Variants in SLCO1C1 observed in about 807,000 individuals in gnomAD.
SLCO1C1 encodes OAT-RP-5.
In SLCO1C1, 70 loss-of-function variants were observed where a neutral mutation model predicts 76.4. That is an observed-to-expected ratio of 0.92 (90% CI 0.76 to 1.12). The LOEUF (loss-of-function observed/expected upper bound fraction) is 1.12. Among genes scored for constraint, SLCO1C1 ranks in the 50% most tolerant of loss-of-function variants. The pLI, the probability that SLCO1C1 is intolerant of heterozygous loss-of-function variation, is 0.00. For missense variants in SLCO1C1, 912 were observed against 823.8 expected, an observed-to-expected ratio of 1.11 and a Z score of -1.31; for synonymous variants, 306 against 286.1, an observed-to-expected ratio of 1.07 and a Z score of -0.70.
At chr12:20,735,472 C>G (rs1948495611) in intron 10 of SLCO1C1, among the ~76,000 whole-genome samples, 1 of 152,174 alleles carries the variant, frequency 6.6e-6, no homozygotes, top group South Asian at 2.1e-4. Context: ...TCTATAATCT[C>G]AGCCCTACAG....
intron 4 of SLCO1C1, among the ~76,000 whole-genome samples, chr12:20,706,381 A>G (rs1179212460): frequency 6.6e-5 from 10 of 152,162 alleles, no homozygotes; most frequent in Admixed American, 5.9e-4. Context: ...AATTGAAAAT[A>G]AATTAACATG....
At chr12:20,733,169 G>C in intron 10 of SLCO1C1, 65 bp downstream of exon 10, 1 of 1,417,808 alleles carries the variant, frequency 7.1e-7, no homozygotes, top group Non-Finnish European at 9.4e-7. Flanking sequence ...TATTGGTGGA[G>C]TTGCAAAAAA....
rs745586344 is a variant in SLCO1C1, at chr12:20,750,901, G to C, written c.1916+109G>C. The stretch of plus-strand genomic sequence containing the variant: ...GTCATTTCACTGCTTGTAAGGTAAA[G>C]AATAGTCTAATCAAAAAGTGTGATC... On this transcript the variant is annotated intron_variant, in intron 14 of 14. Coordinates refer to ENST00000266509, the MANE Select transcript of SLCO1C1 (RefSeq NM_017435.5). 9 of 1,603,276 alleles carry C rather than the reference G, an allele frequency of 5.6e-6. No homozygotes were observed. The African/African-American group carries it at 1.2e-4, about 21-fold the overall frequency.
Position 20,740,787 on chromosome 12 carries a change from TTATATATATATATATATA to T in SLCO1C1, c.1733+433_1733+450del, listed in dbSNP as rs71039980. Among the ~76,000 whole-genome samples the T allele has an allele frequency of 2.4e-4, 18 of 75,076 alleles. 1 individual carries two copies. Among genetic ancestry groups the T allele is most frequent in the African/African-American group, 8.7e-4 (16 of 18,432 alleles). The allele number at this position is 75,076 out of a possible 152,430, so 49.3% of individuals were successfully genotyped here. A position where few individuals can be genotyped will look rare whatever the true frequency, so the allele number is the denominator to read the frequency against. ...ACAACAATGTTAGAATTTATTTTATTTATATATATATATATATATATATATATATATGGCTTTATCTGT... is the reference window on the plus strand; with the variant it reads ...ACAACAATGTTAGAATTTATTTTATTTATATATATATATGGCTTTATCTGT... On this transcript the variant is annotated intron_variant, in intron 12 of 14. Transcript: ENST00000266509.
chr12:20,710,360 TATGC>T (rs71869444), intron 4 of SLCO1C1, among the ~76,000 whole-genome samples: 7,100 of 152,030 alleles, frequency 0.047, 241 homozygotes, highest in African/African-American at 0.085. Context: ...TTACTATTAA[TATGC>T]ATGCCAATGC....
chr12:20,705,914 C>T (rs372692156), intron 3 of SLCO1C1, 35 bp from the exon 4 acceptor site: 46 of 1,604,462 alleles, frequency 2.9e-5, no homozygotes, highest in Non-Finnish European at 3.7e-5. Flanking sequence ...TTTCTAAGTT[C>T]TCTAATTTAT....
chr12:20,712,647 C>T (rs1335452598), intron 5 of SLCO1C1, among the ~76,000 whole-genome samples: 1 of 152,182 alleles, frequency 6.6e-6, no homozygotes, highest in Non-Finnish European at 1.5e-5. Flanking sequence ...TATATACCTG[C>T]CATCCATCCA....
chr12:20,722,738 T>C (rs1213853422), intron 8 of SLCO1C1, among the ~76,000 whole-genome samples: 2 of 152,238 alleles, frequency 1.3e-5, no homozygotes, highest in Non-Finnish European at 2.9e-5. Context: ...TGAAGGTCTT[T>C]ATGTCCTGCC....
At chr12:20,730,011 G>A (rs1347890012) in intron 9 of SLCO1C1, among the ~76,000 whole-genome samples, 2 of 152,068 alleles carry the variant, frequency 1.3e-5, no homozygotes, top group Non-Finnish European at 2.9e-5. Context: ...AGGCTGCTGG[G>A]GGTCTGGGAG....
At chr12:20,735,292 G>C (rs1948487036) in intron 10 of SLCO1C1, among the ~76,000 whole-genome samples, 1 of 152,112 alleles carries the variant, frequency 6.6e-6, no homozygotes, top group African/African-American at 2.4e-5. Flanking sequence ...CTCTGATGTG[G>C]ACATAAGAAT....
intron 3 of SLCO1C1, 113 bp from the exon 4 acceptor site, chr12:20,705,836 A>AT (rs1236361508): frequency 3.2e-5 from 33 of 1,028,920 alleles, no homozygotes; most frequent in Non-Finnish European, 4.5e-5. Flanking sequence ...TGATGCAGAG[A>AT]TGGCTTAGTT....
Position 20,715,210 on chromosome 12 carries a change from G to T in SLCO1C1, c.601G>T (p.Glu201Ter). The T allele has an allele frequency of 1.2e-6, 2 of 1,614,068 alleles. No homozygotes were observed. Among genetic ancestry groups the T allele is most frequent in the Non-Finnish European group, 1.7e-6 (2 of 1,179,966 alleles). The change falls in exon 6 of 15, where the codon GAA becomes TAA. Residue 201 changes from glutamate to a stop codon, truncating the protein, a stop_gained. Transcript: ENST00000266509. LOFTEE classifies it high-confidence loss of function. The stretch of plus-strand genomic sequence containing the variant: ...GGGCAATCTTCTTCGTGGAATAGGA[G>T]AAACTCCCATTCAGCCTTTGGGCAT... ...FLGNLLRGIG[E>*]TPIQPLGIAY... is the part of the protein sequence containing the mutation.
At chr12:20,713,379 A>C (rs965286598) in intron 5 of SLCO1C1, among the ~76,000 whole-genome samples, 1 of 152,204 alleles carries the variant, frequency 6.6e-6, no homozygotes, top group African/African-American at 2.4e-5. Flanking sequence ...GCGCCCGGCC[A>C]GATGTTTTCT....
chr12:20,723,926 A>G (rs1030488105), intron 9 of SLCO1C1, among the ~76,000 whole-genome samples: 1 of 152,060 alleles, frequency 6.6e-6, no homozygotes, highest in African/African-American at 2.4e-5. Context: ...GTATAAAATA[A>G]TTTTCTCTAG....
chr12:20,752,209 T>C (rs1336599312), intron 14 of SLCO1C1, 97 bp from the exon 15 acceptor site: 1 of 778,946 alleles, frequency 1.3e-6, no homozygotes, highest in Non-Finnish European at 1.9e-6. Context: ...AAATCTACAT[T>C]CTTAAAGAAA....
At position 20,705,936 on chromosome 12, in the gene SLCO1C1, C is replaced by A; in HGVS notation, c.272-13C>A. ...GTTCTCTAATTTATGATGTTTTATT[C>A]TTTTCCTCAAAGGGAATCTCTTAGT... On this transcript the variant is annotated splice_polypyrimidine_tract_variant and intron_variant, in intron 3 of 14. Coordinates refer to ENST00000266509, the MANE Select transcript of SLCO1C1 (RefSeq NM_017435.5). 1 of 1,611,264 alleles carries A rather than the reference C, an allele frequency of 6.2e-7. No individual in the cohort carries two copies. Among genetic ancestry groups the A allele is most frequent in the African/African-American group, 1.3e-5 (1 of 74,874 alleles).
intron 9 of SLCO1C1, among the ~76,000 whole-genome samples, 168 bp downstream of exon 9, chr12:20,723,422 G>T (rs1947781770): frequency 6.6e-6 from 1 of 152,076 alleles, no homozygotes; most frequent in South Asian, 2.1e-4. Context: ...ACATCTGTGG[G>T]TAAGTAACCC....
chr12:20,699,658 G>A lies in SLCO1C1; in HGVS notation c.82G>A (p.Glu28Lys), dbSNP rs552600072. Residue 28 changes from glutamate (E) to lysine (K), a missense_variant, in exon 2 of 15, where the codon GAA (glutamate) becomes AAA (lysine). Glu to Lys is a moderately conservative substitution (Grantham distance 56, BLOSUM62 1). Transcript: ENST00000266509. ...QPVGRPSFKTEYPSSEEKQPC... is the reference protein window; with the variant it reads ...QPVGRPSFKTKYPSSEEKQPC... ...TGTTGGAAGGCCTTCTTTTAAAACA[G>A]AATATCCCTCCTCAGAAGAAAAGCA... The A allele has an allele frequency of 6.2e-7, 1 of 1,612,330 alleles. No individual in the cohort carries two copies. The highest frequency in any genetic ancestry group is 8.5e-7 in the Non-Finnish European group (1 of 1,179,088).
Position 20,740,787 on chromosome 12 carries a change from T to TATATATATATATATATATATA in SLCO1C1, c.1733+419_1733+420insATATATATATATATATATATA, listed in dbSNP as rs1565541668. ...ACAACAATGTTAGAATTTATTTTAT[T>TATATATATATATATATATATA]TATATATATATATATATATATATAT... is the stretch of plus-strand genomic sequence containing the variant. On this transcript the variant is annotated intron_variant, in intron 12 of 14. Coordinates refer to ENST00000266509, the MANE Select transcript of SLCO1C1 (RefSeq NM_017435.5). Among the ~76,000 whole-genome samples the TATATATATATATATATATATA allele has an allele frequency of 1.1e-3, 80 of 75,052 alleles. 6 individuals are homozygous for TATATATATATATATATATATA. Among genetic ancestry groups the TATATATATATATATATATATA allele is most frequent in the Non-Finnish European group, 1.4e-3 (60 of 41,726 alleles). 49.2% of individuals were successfully genotyped at this position (75,052 alleles called of 152,430 possible).
Sources: allele counts gnomAD v4.1 joint callset (sites outside exome capture counted in the v4.1 genomes callset), GRCh38; gene constraint gnomAD v4.1.1; transcripts MANE v1.5; gene names NCBI Gene and HGNC (gene_info 2026-07-23, HGNC 2026-07-21).